Variants in PDE1C observed in about 807,000 individuals in gnomAD.
The protein encoded by PDE1C is phosphodiesterase 1C, also known as dual specificity calcium/calmodulin-dependent 3',5'-cyclic nucleotide phosphodiesterase 1C.
In PDE1C, 62 loss-of-function variants were observed where a neutral mutation model predicts 93.1. The ratio of observed to expected loss-of-function variants is 0.67; its 90% CI spans 0.54 to 0.82. The LOEUF is 0.82. Among genes scored for constraint, PDE1C ranks in the 40% least tolerant of loss-of-function variants. The probability of loss-of-function intolerance (pLI) is 0.00; values close to 1 mark genes in which losing one functional copy is unlikely to be tolerated. For synonymous variants in PDE1C, 325 were observed against 310.1 expected (o/e 1.05, Z -0.50); for missense variants, 742 against 884.6 (o/e 0.84, Z 2.04).
intron 3 of PDE1C, among the ~76,000 whole-genome samples, chr7:32,161,916 T>G (rs999647160): frequency 5.9e-5 from 9 of 152,116 alleles, no homozygotes; most frequent in Non-Finnish European, 8.8e-5. Context: ...GCTACATTCC[T>G]GGGGGTGGAA....
At chr7:32,138,390 G>C (rs986369635) in intron 3 of PDE1C, among the ~76,000 whole-genome samples, 1 of 152,134 alleles carries the variant, frequency 6.6e-6, no homozygotes, top group African/African-American at 2.4e-5. Flanking sequence ...AATAATGTCA[G>C]TACATAATTA....
chr7:32,129,320 T>TCATGAGGTTAACATCAGTAGTGG (rs1554509982), intron 3 of PDE1C, among the ~76,000 whole-genome samples: 11 of 148,590 alleles, frequency 7.4e-5, no homozygotes, highest in East Asian at 2.0e-4. Context: ...CTTTTATTTG[T>TCATGAGGTTAACATCAGTAGTGG]TTTTGAGAAA....
the PDE1C span, among the ~76,000 whole-genome samples, chr7:31,744,458 C>A: frequency 1.3e-5 from 2 of 152,084 alleles, no homozygotes; most frequent in Admixed American, 1.3e-4. Flanking sequence ...GAAACTCATG[C>A]CTCTACAGGA....
At chr7:32,279,855 T>A (rs573831129) in intron 1 of PDE1C, among the ~76,000 whole-genome samples, 1 of 152,178 alleles carries the variant, frequency 6.6e-6, no homozygotes, top group African/African-American at 2.4e-5. Flanking sequence ...AAACCTAATT[T>A]CTTGGTCTGA....
intron 2 of PDE1C, among the ~76,000 whole-genome samples, chr7:32,040,608 C>T (rs1420991715): frequency 6.6e-6 from 1 of 152,150 alleles, no homozygotes; most frequent in Non-Finnish European, 1.5e-5. Context: ...CATTCTGACA[C>T]AAGAATGTAT....
intron 6 of PDE1C, among the ~76,000 whole-genome samples, chr7:31,867,996 A>G (rs776921358): frequency 1.3e-5 from 2 of 152,254 alleles, no homozygotes; most frequent in Non-Finnish European, 2.9e-5. Context: ...CCAGAATTAA[A>G]GCCAAAGTTC....
At chr7:31,786,777 A>G (rs915258181) in intron 16 of PDE1C, 6 of 152,220 alleles carry the variant, frequency 3.9e-5, no homozygotes, top group African/African-American at 1.4e-4. Flanking sequence ...ACTATGAGAA[A>G]AAGATTTCAT....
chr7:31,798,572 G>A (rs1193682284), intron 16 of PDE1C, among the ~76,000 whole-genome samples: 3 of 151,646 alleles, frequency 2.0e-5, no homozygotes, highest in Admixed American at 6.6e-5. Context: ...TGGTCACTAA[G>A]ACCACCATCC....
intron 3 of PDE1C, among the ~76,000 whole-genome samples, chr7:32,163,899 G>T (rs1253640037): frequency 2.0e-5 from 3 of 152,150 alleles, no homozygotes; most frequent in Non-Finnish European, 4.4e-5. Flanking sequence ...TTTAAAAACT[G>T]AAGTGAGAAA....
At chr7:31,631,900 G>A in the PDE1C span, among the ~76,000 whole-genome samples, 11 of 152,154 alleles carry the variant, frequency 7.2e-5, no homozygotes, top group Non-Finnish European at 1.5e-4. Context: ...TTTAGGATGA[G>A]AGTCAAGATA....
chr7:32,399,055 G>C (rs1365393008), intron 1 of PDE1C, among the ~76,000 whole-genome samples: 1 of 152,162 alleles, frequency 6.6e-6, no homozygotes, highest in Non-Finnish European at 1.5e-5. Context: ...ACGGTATTCA[G>C]TATATGGTGT....
chr7:31,881,899 T>C lies in PDE1C; in HGVS notation c.129-1039A>G, dbSNP rs79266022. 3.5e-3 allele frequency among the ~76,000 whole-genome samples: 530 copies of C among 152,342 alleles called. 4 individuals are homozygous for C. The highest frequency in any genetic ancestry group is 0.012 in the African/African-American group (504 of 41,582). On this transcript the variant is annotated intron_variant, in intron 2 of 17. Coordinates refer to ENST00000396191, the MANE Select transcript of PDE1C (RefSeq NM_001191057.4). Reference sequence around the variant, plus strand: ...ATTCAATGACTTTGATCACCACAGATAACCAAATGAGAAAAATTCTAGCAA... The same window carrying C: ...ATTCAATGACTTTGATCACCACAGACAACCAAATGAGAAAAATTCTAGCAA...
At chr7:32,338,739 C>T (rs1783678977) in intron 1 of PDE1C, among the ~76,000 whole-genome samples, 1 of 152,176 alleles carries the variant, frequency 6.6e-6, no homozygotes, top group Non-Finnish European at 1.5e-5. Context: ...CACGGTGGCT[C>T]ACGCCTGTAA....
At chr7:31,809,872 G>C (rs1053241758) in intron 15 of PDE1C, among the ~76,000 whole-genome samples, 1 of 152,080 alleles carries the variant, frequency 6.6e-6, no homozygotes, top group African/African-American at 2.4e-5. Context: ...GAATCAAATA[G>C]TAAGTAAAGT....
chr7:31,742,021 A>C, the PDE1C span, among the ~76,000 whole-genome samples: 1 of 152,214 alleles, frequency 6.6e-6, no homozygotes, highest in Admixed American at 6.5e-5. Context: ...TGTTTTAGTC[A>C]CTGCTGCATT....
chr7:32,134,876 G>C (rs765085384), intron 3 of PDE1C, among the ~76,000 whole-genome samples: 1 of 152,168 alleles, frequency 6.6e-6, no homozygotes, highest in Non-Finnish European at 1.5e-5. Flanking sequence ...GTATACCCAT[G>C]TAACAAACCT....
At chr7:31,957,363 T>C (rs995591396) in intron 2 of PDE1C, among the ~76,000 whole-genome samples, 8 of 152,046 alleles carry the variant, frequency 5.3e-5, no homozygotes, top group Admixed American at 5.2e-4. Flanking sequence ...CCCAATTCCC[T>C]CATTCAACAG....
chr7:31,691,089 C>T, the PDE1C span, among the ~76,000 whole-genome samples: 4 of 152,100 alleles, frequency 2.6e-5, no homozygotes, highest in African/African-American at 9.7e-5. Flanking sequence ...AATCTCTATA[C>T]AAACACTGAA....
chr7:32,120,582 G>A (rs1799241259), intron 3 of PDE1C, among the ~76,000 whole-genome samples: 1 of 152,102 alleles, frequency 6.6e-6, no homozygotes, highest in Non-Finnish European at 1.5e-5. Context: ...AGGCACAGGG[G>A]TGAACCAGAT....
Sources: allele counts gnomAD v4.1 joint callset (sites outside exome capture counted in the v4.1 genomes callset), GRCh38; gene constraint gnomAD v4.1.1; transcripts MANE v1.5; gene names NCBI Gene and HGNC (gene_info 2026-07-23, HGNC 2026-07-21).